PGAP1: variants seen among roughly 807,000 people sequenced by gnomAD.
The protein encoded by PGAP1 is post-GPI attachment to proteins inositol deacylase 1, also known as GPI inositol-deacylase.
PGAP1 carries 76 observed loss-of-function variants against 127.0 expected under a neutral mutation model. The ratio of observed to expected loss-of-function variants is 0.60; its 90% CI spans 0.50 to 0.72. The LOEUF (loss-of-function observed/expected upper bound fraction) is 0.72. Ranked by LOEUF, PGAP1 falls within the 30% of genes least tolerant of loss-of-function variation. PGAP1 has a pLI of 0.00. For synonymous variants in PGAP1, 362 were observed against 366.5 expected (o/e 0.99, Z 0.14); for missense variants, 982 against 1,071.3 (o/e 0.92, Z 1.16).
At chr2:196,859,289 T>TGCACTCC (rs1700986638) in intron 20 of PGAP1, among the ~76,000 whole-genome samples, 1 of 152,136 alleles carries the variant, frequency 6.6e-6, no homozygotes, top group African/African-American at 2.4e-5. Flanking sequence ...ATTGCACTAC[T>TGCACTCC]GCACTCCAAC....
intron 9 of PGAP1, among the ~76,000 whole-genome samples, chr2:196,891,650 T>C (rs1262866628): frequency 1.3e-5 from 2 of 152,128 alleles, no homozygotes; most frequent in Non-Finnish European, 2.9e-5. Context: ...ATTATCACTC[T>C]TTTCCCATAT....
intron 1 of PGAP1, chr2:196,922,040 A>T (rs1188077856): frequency 2.7e-6 from 2 of 740,426 alleles, no homozygotes; most frequent in Non-Finnish European, 3.5e-6. Context: ...TCCAATATAA[A>T]TTTTTTATTC....
At chr2:196,913,499 A>G (rs1702903949) in intron 3 of PGAP1, among the ~76,000 whole-genome samples, 1 of 152,246 alleles carries the variant, frequency 6.6e-6, no homozygotes. Flanking sequence ...GTTATCTTTT[A>G]TCTCATCAAA....
chr2:196,900,910 G>A (rs1702465351), intron 5 of PGAP1, among the ~76,000 whole-genome samples: 1 of 151,884 alleles, frequency 6.6e-6, no homozygotes, highest in South Asian at 2.1e-4. Context: ...CTGGGCTACA[G>A]AGCGAGACTC....
rs542746198 is a variant in PGAP1, at chr2:196,864,181, G to A, written c.1861+806C>T. Among the ~76,000 whole-genome samples the A allele has an allele frequency of 7.9e-5, 12 of 151,914 alleles. No homozygotes were observed. The South Asian group carries it at 1.7e-3, about 21-fold the overall frequency. ...CTGAGGCGGGCAGATCATGAAGTCAGGAGTTCAAGACCAGCCTGGCCAACA... is the reference window on the plus strand; with the variant it reads ...CTGAGGCGGGCAGATCATGAAGTCAAGAGTTCAAGACCAGCCTGGCCAACA... On this transcript the variant is annotated intron_variant, in intron 20 of 26. Coordinates refer to ENST00000354764, the MANE Select transcript of PGAP1 (RefSeq NM_024989.4).
At chr2:196,858,438 TAATG>T (rs1325244905) in intron 20 of PGAP1, among the ~76,000 whole-genome samples, 1 of 151,726 alleles carries the variant, frequency 6.6e-6, no homozygotes, top group Non-Finnish European at 1.5e-5. Context: ...ATGAATGGGT[TAATG>T]AAGAATATTT....
chr2:196,843,970 T>C lies in PGAP1; in HGVS notation c.2443A>G (p.Met815Val), dbSNP rs780589705. Residue 815 changes from methionine (M) to valine (V), a missense_variant, in exon 25 of 27, where the codon ATG becomes GTG. Physicochemically the swap from Met to Val is conservative, Grantham distance 21 (BLOSUM62 1). Coordinates refer to ENST00000354764, the MANE Select transcript of PGAP1 (RefSeq NM_024989.4). ...AGTAAGTTAATCACAGTACTGTGCA[T>C]GCGAAGGCTATCTTCAGCATCGTTG... ...SANDAEDSLR[M>V]HSTVINLLTW... 6.2e-7 allele frequency: 1 copy of C among 1,608,964 alleles called. No homozygotes were observed. Among genetic ancestry groups the C allele is most frequent in the Non-Finnish European group, 8.5e-7 (1 of 1,176,528 alleles).
At chr2:196,892,476 TG>T in intron 8 of PGAP1, 75 bp from the exon 9 acceptor site, 1 of 672,186 alleles carries the variant, frequency 1.5e-6, no homozygotes, top group Non-Finnish European at 2.6e-6. Flanking sequence ...CTTTGAATCC[TG>T]GTGAAATACT....
chr2:196,844,101 C>A, intron 24 of PGAP1, 26 bp from the exon 25 acceptor site: 2 of 1,369,384 alleles, frequency 1.5e-6, no homozygotes, highest in East Asian at 2.4e-5. Context: ...GTAGAAATAT[C>A]AAGACACTAA....
intron 20 of PGAP1, among the ~76,000 whole-genome samples, chr2:196,852,920 T>C (rs1211492297): frequency 6.6e-6 from 1 of 152,212 alleles, no homozygotes; most frequent in Admixed American, 6.5e-5. Context: ...AGTGACTTTA[T>C]GAAAGAAAAT....
chr2:196,925,664 G>A (rs1274404106), intron 1 of PGAP1, among the ~76,000 whole-genome samples: 1 of 152,028 alleles, frequency 6.6e-6, no homozygotes, highest in Non-Finnish European at 1.5e-5. Flanking sequence ...GAGAAGGGTT[G>A]GCTCTCTCTT....
chr2:196,856,850 T>G (rs1321979272), intron 20 of PGAP1, among the ~76,000 whole-genome samples: 1 of 152,236 alleles, frequency 6.6e-6, no homozygotes, highest in Admixed American at 6.5e-5. Context: ...AAAACTATTA[T>G]GCAAACTGAT....
At position 196,902,748 on chromosome 2, in the gene PGAP1, G is replaced by A. The variant is rs371032957; in HGVS notation, c.650-6C>T. ...GTTTACAGTCGTATAAAAATCTGGT[G>A]GGGAATAAAAAAGAGACATTAAAAA... On this transcript the variant is annotated splice_region_variant and splice_polypyrimidine_tract_variant and intron_variant, in intron 4 of 26. Coordinates refer to ENST00000354764, the MANE Select transcript of PGAP1 (RefSeq NM_024989.4). 6.1e-5 allele frequency: 97 copies of A among 1,592,406 alleles called. 1 individual carries two copies. In the Middle Eastern group the frequency reaches 8.4e-4, roughly 14 times the overall value.
In PGAP1 at chr2:196,872,945, C is replaced by A. The variant is rs1367670133; in HGVS notation, c.1619+15G>T. On this transcript the variant is annotated intron_variant, in intron 17 of 26. Coordinates refer to ENST00000354764, the MANE Select transcript of PGAP1 (RefSeq NM_024989.4). The stretch of plus-strand genomic sequence containing the variant: ...AAAACACCAAAGTTTAAAGTAAATT[C>A]TTTCAAATACTTACTGTGCAATGGT... 2.3e-6 allele frequency: 2 copies of A among 880,974 alleles called. No individual in the cohort carries two copies. Among genetic ancestry groups the A allele is most frequent in the South Asian group, 1.6e-5 (1 of 64,114 alleles). The allele number at this position is 880,974 out of a possible 1,614,324, so 54.6% of individuals were successfully genotyped here. A position where few individuals can be genotyped will look rare whatever the true frequency, so the allele number is the denominator to read the frequency against.
chr2:196,892,356 A>G lies in PGAP1; in HGVS notation c.1079T>C (p.Val360Ala). 1 of 1,465,750 alleles carries G rather than the reference A, an allele frequency of 6.8e-7. No individual in the cohort carries two copies. Among genetic ancestry groups the G allele is most frequent in the Non-Finnish European group, 9.4e-7 (1 of 1,067,772 alleles). 90.8% of individuals were successfully genotyped at this position (1,465,750 alleles called of 1,614,324 possible). A position where few individuals can be genotyped will look rare whatever the true frequency, so the allele number is the denominator to read the frequency against. Reference sequence around the variant, plus strand: ...TGGTGGAATACTTACGTTGTAAGCTACATAGGTCCATTTGGACACTTTTAC... The same window carrying G: ...TGGTGGAATACTTACGTTGTAAGCTGCATAGGTCCATTTGGACACTTTTAC... ...VLVKVSKWTY[V>A]AYNESEKIYF... The change falls in exon 9 of 27, where the codon GTA becomes GCA. Residue 360 changes from valine to alanine, a missense_variant. Coordinates refer to ENST00000354764, the MANE Select transcript of PGAP1 (RefSeq NM_024989.4).
At chr2:196,857,760 T>C (rs1700931370) in intron 20 of PGAP1, among the ~76,000 whole-genome samples, 1 of 152,186 alleles carries the variant, frequency 6.6e-6, no homozygotes, top group South Asian at 2.1e-4. Flanking sequence ...ATCAACCTTA[T>C]ACAGAAAAAA....
chr2:196,926,509 C>T lies in PGAP1; in HGVS notation c.108G>A (p.Lys36=), dbSNP rs753729948. The T allele has an allele frequency of 2.0e-5, 32 of 1,612,746 alleles. No homozygotes were observed. The Admixed American group carries it at 5.2e-4, about 26-fold the overall frequency. The change falls in exon 1 of 27, where the codon AAG becomes AAA. Residue 36 remains lysine (K), a synonymous_variant. Coordinates refer to ENST00000354764, the MANE Select transcript of PGAP1 (RefSeq NM_024989.4). ...WDVFFGFEEN[K]CSMSYMFEYP... ...ACTCAAACATGTAGCTCATACTGCA[C>T]TTATTCTCCTCGAAGCCGAAGAAGA...
In PGAP1 at chr2:196,905,595, G is replaced by A. The variant is rs553979697; in HGVS notation, c.650-2853C>T. Among the ~76,000 whole-genome samples, 276 of 152,244 alleles carry A rather than the reference G, an allele frequency of 1.8e-3. 1 individual carries two copies. The highest frequency in any genetic ancestry group is 6.1e-3 in the African/African-American group (253 of 41,536). On this transcript the variant is annotated intron_variant, in intron 4 of 26. Coordinates refer to ENST00000354764, the MANE Select transcript of PGAP1 (RefSeq NM_024989.4). Reference sequence around the variant, plus strand: ...AAAATTAAGATAATGCGGGAGGGAGGAGCCAAGATGGCCGAATAGGAACAG... The same window carrying A: ...AAAATTAAGATAATGCGGGAGGGAGAAGCCAAGATGGCCGAATAGGAACAG...
intron 20 of PGAP1, among the ~76,000 whole-genome samples, chr2:196,857,185 G>A (rs747611370): frequency 6.6e-6 from 1 of 152,116 alleles, no homozygotes; most frequent in African/African-American, 2.4e-5. Flanking sequence ...GTTGATAAAC[G>A]ACTTCAGCAA....
Sources: gnomAD v4.1 joint callset for allele counts (sites outside exome capture counted in the v4.1 genomes callset) on GRCh38, gnomAD v4.1.1 for gene constraint, MANE v1.5 for transcripts, NCBI Gene and HGNC (gene_info 2026-07-23, HGNC 2026-07-21) for gene names.